The following CCDC178 variants were observed in gnomAD, a reference collection of about 807,000 sequenced individuals.
CCDC178 encodes the protein coiled-coil domain-containing protein 178.
In CCDC178, 126 loss-of-function variants were observed where a neutral mutation model predicts 117.4. That is an observed-to-expected ratio of 1.07 (90% CI 0.93 to 1.24). CCDC178 has a LOEUF of 1.24. CCDC178 is among the 50% of genes most tolerant of loss of function. CCDC178 has a pLI of 0.00. For missense variants in CCDC178, 1,030 were observed against 986.9 expected (o/e 1.04, Z -0.59); for synonymous variants, 283 against 313.4 (o/e 0.90, Z 1.02).
intron 21 of CCDC178, among the ~76,000 whole-genome samples, chr18:33,091,969 G>T (rs1158642510): frequency 6.6e-6 from 1 of 152,042 alleles, no homozygotes; most frequent in Non-Finnish European, 1.5e-5. Context: ...CATAATAGCC[G>T]TAAGTATAGC....
At chr18:33,157,099 C>T (rs1449244423) in intron 20 of CCDC178, among the ~76,000 whole-genome samples, 1 of 152,088 alleles carries the variant, frequency 6.6e-6, no homozygotes, top group Non-Finnish European at 1.5e-5. Context: ...TGGAAATGCT[C>T]CTTTCATTAT....
intron 3 of CCDC178, among the ~76,000 whole-genome samples, chr18:33,401,493 T>C (rs865839397): frequency 6.6e-6 from 1 of 152,184 alleles, no homozygotes; most frequent in Non-Finnish European, 1.5e-5. Context: ...TGGATAACTG[T>C]ATTGTTATAC....
At chr18:33,208,474 C>T (rs139483720) in intron 20 of CCDC178, among the ~76,000 whole-genome samples, 4 of 151,988 alleles carry the variant, frequency 2.6e-5, no homozygotes, top group South Asian at 2.1e-4. Context: ...TGAGTGTGAC[C>T]GCTATATTCA....
intron 20 of CCDC178, among the ~76,000 whole-genome samples, chr18:33,131,895 C>T (rs544838147): frequency 2.6e-5 from 4 of 151,674 alleles, no homozygotes; most frequent in Non-Finnish European, 5.9e-5. Flanking sequence ...TTTATGCCTC[C>T]TTTTGGGGCA....
chr18:33,205,361 G>A (rs1307138802), intron 20 of CCDC178, among the ~76,000 whole-genome samples: 1 of 151,900 alleles, frequency 6.6e-6, no homozygotes, highest in South Asian at 2.1e-4. Context: ...CAAAATTAAA[G>A]TACTGTAATA....
At chr18:33,026,734 CAAACAA>C (rs1302927415) in intron 21 of CCDC178, among the ~76,000 whole-genome samples, 1 of 151,400 alleles carries the variant, frequency 6.6e-6, no homozygotes, top group Non-Finnish European at 1.5e-5. Flanking sequence ...AGTAAAAAAT[CAAACAA>C]AAACAAAAAC....
At chr18:33,333,092 G>A in intron 10 of CCDC178, 82 bp downstream of exon 10, 1 of 718,948 alleles carries the variant, frequency 1.4e-6, no homozygotes, top group Non-Finnish European at 2.3e-6. Context: ...AACCTTTAAA[G>A]CTGTGTTAAT....
Position 33,397,566 on chromosome 18 carries a change from T to C in CCDC178, c.59-358A>G, listed in dbSNP as rs76007867. On this transcript the variant is annotated intron_variant, in intron 3 of 22. Coordinates refer to ENST00000383096, the MANE Select transcript of CCDC178 (RefSeq NM_001105528.4). ...GTTTAATCTAATTTCCAAAGTTATA[T>C]ATGGATTTAAAAAATCCAACAGTAT... Among the ~76,000 whole-genome samples, 644 of 152,290 alleles carry C rather than the reference T, an allele frequency of 4.2e-3. 5 individuals are homozygous for C. The highest frequency in any genetic ancestry group is 0.014 in the African/African-American group (599 of 41,582).
intron 12 of CCDC178, among the ~76,000 whole-genome samples, chr18:33,279,096 T>G (rs2059989626): frequency 6.6e-6 from 1 of 152,114 alleles, no homozygotes; most frequent in Non-Finnish European, 1.5e-5. Flanking sequence ...TGTTGGAAGT[T>G]CTGGCCAGGG....
At chr18:33,089,209 A>G (rs1411264603) in intron 21 of CCDC178, among the ~76,000 whole-genome samples, 1 of 152,116 alleles carries the variant, frequency 6.6e-6, no homozygotes, top group African/African-American at 2.4e-5. Context: ...TGTTTTTTTC[A>G]AAGCTTTACA....
At chr18:33,237,639 C>G (rs1420816961) in intron 15 of CCDC178, among the ~76,000 whole-genome samples, 1 of 152,018 alleles carries the variant, frequency 6.6e-6, no homozygotes, top group Non-Finnish European at 1.5e-5. Flanking sequence ...TGGGCCACCT[C>G]TAGCAAACAC....
At chr18:33,048,234 C>T (rs1598826022) in intron 21 of CCDC178, among the ~76,000 whole-genome samples, 1 of 152,240 alleles carries the variant, frequency 6.6e-6, no homozygotes, top group East Asian at 1.9e-4. Flanking sequence ...TTTTAGTCTA[C>T]AGAACTGTGA....
chr18:33,312,570 G>A (rs1038921188), intron 11 of CCDC178, among the ~76,000 whole-genome samples: 9 of 152,296 alleles, frequency 5.9e-5, no homozygotes, highest in Non-Finnish European at 1.2e-4. Context: ...TGGGCCCACT[G>A]AGCCAGGTAG....
chr18:33,008,437 T>A (rs1023383557), intron 21 of CCDC178, among the ~76,000 whole-genome samples: 1 of 152,066 alleles, frequency 6.6e-6, no homozygotes. Flanking sequence ...ATCGATTCCA[T>A]CCCCTCTCAT....
chr18:33,262,935 T>C (rs1036567388), intron 14 of CCDC178, among the ~76,000 whole-genome samples: 1 of 152,128 alleles, frequency 6.6e-6, no homozygotes. Flanking sequence ...GATTTTAAAC[T>C]CCAGCTGTGG....
chr18:33,010,524 A>C (rs2055842508), intron 21 of CCDC178, among the ~76,000 whole-genome samples: 1 of 152,218 alleles, frequency 6.6e-6, no homozygotes, highest in African/African-American at 2.4e-5. Context: ...TTAATGTTTA[A>C]AAGTCCAGAA....
At chr18:33,148,351 T>G (rs2058297912) in intron 20 of CCDC178, among the ~76,000 whole-genome samples, 1 of 151,938 alleles carries the variant, frequency 6.6e-6, no homozygotes, top group South Asian at 2.1e-4. Flanking sequence ...GCAGGGAGGT[T>G]GCAGTGAGCC....
At chr18:33,429,058 A>T (rs188372830) in intron 2 of CCDC178, among the ~76,000 whole-genome samples, 3 of 152,080 alleles carry the variant, frequency 2.0e-5, no homozygotes, top group Admixed American at 2.0e-4. Flanking sequence ...ATGATTTATA[A>T]AAGATCAGAC....
chr18:33,074,518 T>C (rs1252719817), intron 21 of CCDC178, among the ~76,000 whole-genome samples: 1 of 152,168 alleles, frequency 6.6e-6, no homozygotes, highest in African/African-American at 2.4e-5. Flanking sequence ...TGAAGGTAGA[T>C]AAACAAAAGT....
Sources: allele counts gnomAD v4.1 joint callset (sites outside exome capture counted in the v4.1 genomes callset), GRCh38; gene constraint gnomAD v4.1.1; transcripts MANE v1.5; gene names NCBI Gene and HGNC (gene_info 2026-07-23, HGNC 2026-07-21).